PCDH10: variants seen among roughly 807,000 people sequenced by gnomAD.
PCDH10 encodes protocadherin 10, also known as protocadherin-10.
In PCDH10, 15 loss-of-function variants were observed where a neutral mutation model predicts 74.4. The observed-to-expected ratio is 0.20, with a 90% CI of 0.13 to 0.31. The LOEUF is 0.31. Among genes scored for constraint, PCDH10 ranks in the 10% least tolerant of loss-of-function variants. PCDH10 has a pLI of 1.00. For synonymous variants in PCDH10, 619 were observed against 589.8 expected (o/e 1.05, Z -0.72); for missense variants, 1,260 against 1,390.2 (o/e 0.91, Z 1.49).
chr4:133,181,169 C>CA (rs1318989326), intron 4 of PCDH10, among the ~76,000 whole-genome samples: 1 of 151,072 alleles, frequency 6.6e-6, no homozygotes. Flanking sequence ...AAATTTTACT[C>CA]AAAAAAACAG....
intron 4 of PCDH10, among the ~76,000 whole-genome samples, chr4:133,177,069 C>T (rs1296414166): frequency 6.6e-6 from 1 of 151,962 alleles, no homozygotes; most frequent in Non-Finnish European, 1.5e-5. Flanking sequence ...CAAATTCTAG[C>T]CTTATACAAA....
rs115170715 is a variant in PCDH10, at chr4:133,150,710, C to T, written c.570C>T (p.Asp190=). The part of the protein sequence containing the change: ...FAELVLEKPL[D]REQQAVHRYV... ...AGCTGGTGCTGGAGAAGCCACTGGA[C>T]CGAGAGCAGCAAGCGGTGCACCGCT... is the stretch of plus-strand genomic sequence containing the variant. The change falls in exon 1 of 5, where the codon GAC becomes GAT. Residue 190 remains aspartate, a synonymous_variant. Transcript: ENST00000264360. 3.8e-4 allele frequency: 614 copies of T among 1,612,844 alleles called. 4 individuals are homozygous for T. In the African/African-American group the frequency reaches 6.6e-3, roughly 17 times the overall value.
chr4:133,181,343 T>C (rs1727412012), intron 4 of PCDH10, among the ~76,000 whole-genome samples: 2 of 152,044 alleles, frequency 1.3e-5, no homozygotes, highest in South Asian at 4.1e-4. Context: ...TTGATGGAAA[T>C]ATATAGATAA....
chr4:133,168,575 T>TA, intron 4 of PCDH10, among the ~76,000 whole-genome samples: 1 of 151,626 alleles, frequency 6.6e-6, no homozygotes, highest in East Asian at 1.9e-4. Flanking sequence ...ATTCAAAACT[T>TA]ACACAATTAT....
intron 4 of PCDH10, among the ~76,000 whole-genome samples, chr4:133,164,987 C>CAT (rs1727048004): frequency 6.8e-6 from 1 of 146,808 alleles, no homozygotes; most frequent in East Asian, 2.0e-4. Flanking sequence ...TACATATATT[C>CAT]ATATATATAC....
At chr4:133,187,914 A>G (rs930915219) in intron 4 of PCDH10, among the ~76,000 whole-genome samples, 1 of 152,074 alleles carries the variant, frequency 6.6e-6, no homozygotes, top group Non-Finnish European at 1.5e-5. Flanking sequence ...TATTTTTATT[A>G]CTCTAAACAT....
In PCDH10 at chr4:133,151,254, G is replaced by A. The variant is rs1437013913; in HGVS notation, c.1114G>A (p.Ala372Thr). The change falls in exon 1 of 5, where the codon GCG becomes ACG. Residue 372 changes from alanine (A) to threonine (T), a missense_variant. By Grantham distance (58) the Ala-to-Thr change is moderately conservative. Coordinates refer to ENST00000264360, the MANE Select transcript of PCDH10 (RefSeq NM_032961.3). ...TVKEAVSEGA[A>T]PGTVVALFSV... ...GAAGGAAGCGGTGAGTGAGGGCGCGGCGCCCGGCACTGTGGTGGCCCTTTT... is the reference window on the plus strand; with the variant it reads ...GAAGGAAGCGGTGAGTGAGGGCGCGACGCCCGGCACTGTGGTGGCCCTTTT... 1 of 1,614,060 alleles carries A rather than the reference G, an allele frequency of 6.2e-7. No individual in the cohort carries two copies. The highest frequency in any genetic ancestry group is 1.1e-5 in the South Asian group (1 of 91,066).
At chr4:133,176,065 A>G (rs936342764) in intron 4 of PCDH10, among the ~76,000 whole-genome samples, 11 of 152,142 alleles carry the variant, frequency 7.2e-5, no homozygotes, top group South Asian at 2.1e-4. Context: ...TTCCCTAAGC[A>G]TCACTAATTT....
At position 133,154,573 on chromosome 4, in the gene PCDH10, T is replaced by G. The variant is rs116342134; in HGVS notation, c.2690+208T>G. ...TTTATATACAACGCTTAAACTATAT[T>G]TGAATATTTTGTCAATTTACACTCC... On this transcript the variant is annotated intron_variant, in intron 2 of 4. Coordinates refer to ENST00000264360, the MANE Select transcript of PCDH10 (RefSeq NM_032961.3). Among the ~76,000 whole-genome samples the G allele has an allele frequency of 3.4e-3, 515 of 152,320 alleles. 1 individual carries two copies. The highest frequency in any genetic ancestry group is 0.011 in the African/African-American group (473 of 41,566).
chr4:133,172,218 T>C (rs1727217572), intron 4 of PCDH10, among the ~76,000 whole-genome samples: 1 of 152,012 alleles, frequency 6.6e-6, no homozygotes, highest in Non-Finnish European at 1.5e-5. Flanking sequence ...TTTAATCCAT[T>C]AATATTTACA....
chr4:133,187,372 A>C (rs1232805399), intron 4 of PCDH10, among the ~76,000 whole-genome samples: 1 of 152,102 alleles, frequency 6.6e-6, no homozygotes, highest in Non-Finnish European at 1.5e-5. Flanking sequence ...ATATGCATAC[A>C]CTACAGGCCA....
At chr4:133,168,390 T>C (rs1420855721) in intron 4 of PCDH10, among the ~76,000 whole-genome samples, 2 of 151,476 alleles carry the variant, frequency 1.3e-5, no homozygotes, top group Non-Finnish European at 3.0e-5. Context: ...ACTAGTTTCA[T>C]CCAATAAATT....
chr4:133,184,835 C>T (rs1005360184), intron 4 of PCDH10, among the ~76,000 whole-genome samples: 2 of 142,200 alleles, frequency 1.4e-5, no homozygotes, highest in Non-Finnish European at 3.0e-5. Flanking sequence ...TGAGAACTAC[C>T]TTCTCACAAG....
intron 4 of PCDH10, among the ~76,000 whole-genome samples, chr4:133,186,424 G>GA (rs1560714809): frequency 2.6e-5 from 4 of 151,710 alleles, no homozygotes; most frequent in Admixed American, 6.6e-5. Flanking sequence ...TGCATCACAA[G>GA]AAAAAAATGC....
intron 3 of PCDH10, among the ~76,000 whole-genome samples, chr4:133,160,372 G>A (rs564125311): frequency 1.3e-5 from 2 of 149,520 alleles, no homozygotes; most frequent in African/African-American, 4.9e-5. Context: ...GAGTGATACT[G>A]TTCATTGAAC....
intron 3 of PCDH10, among the ~76,000 whole-genome samples, chr4:133,160,546 G>T (rs1179733169): frequency 6.6e-6 from 1 of 150,758 alleles, no homozygotes; most frequent in African/African-American, 2.4e-5. Context: ...ATACTTGCCA[G>T]ATAGGAAAAT....
At chr4:133,167,973 A>G (rs1727120974) in intron 4 of PCDH10, among the ~76,000 whole-genome samples, 1 of 151,256 alleles carries the variant, frequency 6.6e-6, no homozygotes, top group South Asian at 2.1e-4. Context: ...ATTTTATTAT[A>G]TTTTATGCTA....
At chr4:133,156,717 G>A (rs926508210) in intron 3 of PCDH10, among the ~76,000 whole-genome samples, 8 of 152,054 alleles carry the variant, frequency 5.3e-5, no homozygotes, top group African/African-American at 1.4e-4. Flanking sequence ...CACACGCCCC[G>A]CTTTGTTTTT....
chr4:133,163,959 G>A (rs901127055), intron 4 of PCDH10: 3 of 450,248 alleles, frequency 6.7e-6, no homozygotes, highest in Non-Finnish European at 1.3e-5. Flanking sequence ...ATGCATTGAG[G>A]TTGTGGCTAT....
Sources: gnomAD v4.1 joint callset for allele counts (sites outside exome capture counted in the v4.1 genomes callset) on GRCh38, gnomAD v4.1.1 for gene constraint, MANE v1.5 for transcripts, NCBI Gene and HGNC (gene_info 2026-07-23, HGNC 2026-07-21) for gene names.